Variants in C3 observed in about 807,000 individuals in gnomAD.
The protein encoded by C3 is complement C3.
In C3, 97 loss-of-function variants were observed where a neutral mutation model predicts 207.9. That is an observed-to-expected ratio of 0.47 (90% confidence interval 0.40 to 0.55). The LOEUF is 0.55. C3 is among the 20% of genes least tolerant of loss of function. C3 has a pLI of 0.00. For missense variants in C3, 1,684 were observed against 2,171.7 expected, an observed-to-expected ratio of 0.78 and a Z score of 4.46; for synonymous variants, 848 against 857.6, an observed-to-expected ratio of 0.99 and a Z score of 0.20.
rs372060158 is a variant in C3 at position 6,714,219 on chromosome 19, T to C, written c.629A>G (p.Tyr210Cys). 61 of 1,613,678 alleles carry C rather than the reference T, an allele frequency of 3.8e-5. No homozygotes were observed. Among genetic ancestry groups the C allele is most frequent in the African/African-American group, 5.3e-5 (4 of 74,892 alleles). The change falls in exon 6 of 41, where the codon TAT (tyrosine) becomes TGT (cysteine). Residue 210 changes from tyrosine (Y) to cysteine (C), a missense_variant. Coordinates refer to ENST00000245907, the MANE Select transcript of C3 (RefSeq NM_000064.4). The part of the protein sequence containing the change: ...NMGQWKIRAY[Y>C]ENSPQQVFST... ...GAAGACCTGCTGTGGTGAGTTTTCA[T>C]AGTAGGCTCGGATCTTCCACTGGCC...
chr19:6,712,665 T>C, intron 9 of C3, 42 bp from the exon 10 acceptor site: 1 of 1,532,258 alleles, frequency 6.5e-7, no homozygotes, highest in Non-Finnish European at 9.0e-7. Flanking sequence ...GGGCCACCCC[T>C]CAGGATTAGA....
At chr19:6,694,762 G>GA in intron 23 of C3, 128 bp from the exon 24 acceptor site, 5 of 788,776 alleles carry the variant, frequency 6.3e-6, no homozygotes, top group Non-Finnish European at 1.0e-5. Flanking sequence ...GACTGGGGAG[G>GA]ATGTGACTGC....
intron 26 of C3, 36 bp from the exon 27 acceptor site, chr19:6,690,763 C>T (rs772803907): frequency 9.6e-5 from 146 of 1,521,526 alleles, no homozygotes; most frequent in Non-Finnish European, 1.3e-4. Flanking sequence ...ATGGGGTCAC[C>T]GGTGTGTCCA....
rs777950980 is a variant in C3, at chr19:6,713,301, C to T, written c.891G>A (p.Ser297=). 21 of 1,613,574 alleles carry T rather than the reference C, an allele frequency of 1.3e-5. No homozygotes were observed. The highest frequency in any genetic ancestry group is 5.3e-5 in the African/African-American group (4 of 74,886). Residue 297 remains serine (S), a synonymous_variant, in exon 9 of 41, where the codon TCG becomes TCA. Transcript: ENST00000245907. ...CCTTCCGGCTCAGCACAACCTCCCC[C>T]GAGCCATCCTCAATCTGAGAAGGGA... The part of the protein sequence containing the change: ...SLKRIPIEDG[S]GEVVLSRKVL...
chr19:6,677,824 C>A lies in C3; in HGVS notation c.*58G>T. 6.2e-7 allele frequency: 1 copy of A among 1,607,968 alleles called. No homozygotes were observed. Among genetic ancestry groups the A allele is most frequent in the Non-Finnish European group, 8.5e-7 (1 of 1,176,666 alleles). Reference sequence around the variant, plus strand: ...TCAGCCTCTCCCTCTTGGCAAAGAACTCCAGACACGTGAGATATAACTGAA... The same window carrying A: ...TCAGCCTCTCCCTCTTGGCAAAGAAATCCAGACACGTGAGATATAACTGAA... On this transcript the variant is annotated 3_prime_UTR_variant, in exon 41 of 41. Transcript: ENST00000245907.
At chr19:6,701,508 C>T (rs1967671944) in intron 19 of C3, among the ~76,000 whole-genome samples, 1 of 152,140 alleles carries the variant, frequency 6.6e-6, no homozygotes, top group Non-Finnish European at 1.5e-5. Flanking sequence ...TGTCGTCTTT[C>T]AGAGCATACG....
intron 19 of C3, 42 bp downstream of exon 19, chr19:6,702,085 G>A: frequency 9.6e-7 from 1 of 1,037,980 alleles, no homozygotes; most frequent in Non-Finnish European, 1.5e-6. Context: ...CAGACACCCT[G>A]GGGTCCCTGC....
chr19:6,705,951 G>A (rs114706060), intron 17 of C3, among the ~76,000 whole-genome samples: 2,311 of 152,170 alleles, frequency 0.015, 45 homozygotes, highest in African/African-American at 0.053. Flanking sequence ...TGCGATTGCC[G>A]GTGTGAGCCA....
intron 24 of C3, among the ~76,000 whole-genome samples, chr19:6,693,950 C>T (rs1918235002): frequency 7.1e-6 from 1 of 140,902 alleles, no homozygotes; most frequent in African/African-American, 2.9e-5. Context: ...CCTCAGAGGG[C>T]GTGGCCTTGA....
intron 23 of C3, among the ~76,000 whole-genome samples, chr19:6,695,546 C>A (rs1024754549): frequency 1.3e-5 from 2 of 152,066 alleles, no homozygotes; most frequent in Non-Finnish European, 2.9e-5. Flanking sequence ...GTGGCCTGAT[C>A]TCGGCTTACT....
At chr19:6,694,399 C>T in intron 24 of C3, 32 bp downstream of exon 24, 2 of 1,602,570 alleles carry the variant, frequency 1.2e-6, no homozygotes, top group Non-Finnish European at 1.7e-6. Flanking sequence ...GAAAGGGGTC[C>T]CTGGGGTCTC....
chr19:6,707,315 G>A (rs1385177419), intron 16 of C3, 42 bp from the exon 17 acceptor site: 17 of 1,603,338 alleles, frequency 1.1e-5, no homozygotes, highest in Non-Finnish European at 1.4e-5. Context: ...CCTCAGCCGG[G>A]GGCCGGCAGC....
At chr19:6,717,758 T>C (rs535388176) in intron 4 of C3, 18 of 482,378 alleles carry the variant, frequency 3.7e-5, no homozygotes, top group African/African-American at 3.2e-4. Context: ...TGTGTGGTCA[T>C]GCACGTTGTG....
At chr19:6,692,873 G>T in intron 26 of C3, 51 bp downstream of exon 26, 1 of 1,598,202 alleles carries the variant, frequency 6.3e-7, no homozygotes. Context: ...TTCATCCTGC[G>T]AGACTCAGGA....
At chr19:6,678,819 ACACT>A (rs1443829779) in intron 38 of C3, among the ~76,000 whole-genome samples, 2 of 152,152 alleles carry the variant, frequency 1.3e-5, no homozygotes, top group African/African-American at 4.8e-5. Context: ...TCAGGACCTC[ACACT>A]CACTGCCATC....
intron 23 of C3, 135 bp downstream of exon 23, chr19:6,696,244 A>G: frequency 1.5e-6 from 1 of 665,850 alleles, no homozygotes; most frequent in Non-Finnish European, 2.7e-6. Context: ...AAAAGAGGGA[A>G]AACAGATCAC....
chr19:6,689,609 G>C (rs1292048111), intron 27 of C3, among the ~76,000 whole-genome samples: 1 of 152,186 alleles, frequency 6.6e-6, no homozygotes, highest in Admixed American at 6.5e-5. Flanking sequence ...ACTTTGGGAG[G>C]CTAAGGTGGG....
intron 4 of C3, among the ~76,000 whole-genome samples, chr19:6,715,423 CT>C: frequency 6.6e-6 from 1 of 151,890 alleles, no homozygotes; most frequent in Non-Finnish European, 1.5e-5. Flanking sequence ...CTGCAGTGAG[CT>C]GTGATTGTGC....
At chr19:6,680,486 T>G (rs1056809096) in intron 35 of C3, among the ~76,000 whole-genome samples, 8 of 152,220 alleles carry the variant, frequency 5.3e-5, no homozygotes, top group African/African-American at 1.9e-4. Flanking sequence ...CTGAACAGAT[T>G]GCTATCTATG....
Sources: gnomAD v4.1 joint callset for allele counts (sites outside exome capture counted in the v4.1 genomes callset) on GRCh38, gnomAD v4.1.1 for gene constraint, MANE v1.5 for transcripts, NCBI Gene and HGNC (gene_info 2026-07-23, HGNC 2026-07-21) for gene names.